The following PLEKHA5 variants were observed in gnomAD, a reference collection of about 807,000 sequenced individuals.
The protein encoded by PLEKHA5 is pleckstrin homology domain-containing family A member 5.
PLEKHA5 carries 55 observed loss-of-function variants against 181.9 expected under a neutral mutation model. The observed-to-expected ratio is 0.30, with a 90% CI of 0.24 to 0.38. The LOEUF is 0.38. Among genes scored for constraint, PLEKHA5 ranks in the 10% least tolerant of loss-of-function variants. PLEKHA5 has a pLI of 1.00. For synonymous variants in PLEKHA5, 535 were observed against 529.4 expected, an observed-to-expected ratio of 1.01 and a Z score of -0.15; for missense variants, 1,432 against 1,549.5, an observed-to-expected ratio of 0.92 and a Z score of 1.27.
chr12:19,199,559 TG>T (rs1466941264), intron 3 of PLEKHA5, among the ~76,000 whole-genome samples: 5 of 152,154 alleles, frequency 3.3e-5, no homozygotes, highest in African/African-American at 1.2e-4. Context: ...CATGAATACA[TG>T]GCAGTGTGAT....
intron 26 of PLEKHA5, among the ~76,000 whole-genome samples, chr12:19,354,376 A>T (rs1170807655): frequency 2.1e-5 from 3 of 145,160 alleles, no homozygotes; most frequent in Non-Finnish European, 4.5e-5. Context: ...GATGGTCTCG[A>T]TCTCCTGACC....
At chr12:19,310,609 CAAA>C (rs5796796) in intron 15 of PLEKHA5, among the ~76,000 whole-genome samples, 1 of 111,940 alleles carries the variant, frequency 8.9e-6, no homozygotes. Flanking sequence ...GACTCCCTCT[CAAA>C]AAAAAAAAAA....
intron 26 of PLEKHA5, among the ~76,000 whole-genome samples, chr12:19,355,991 G>T (rs979609196): frequency 6.6e-6 from 1 of 151,616 alleles, no homozygotes; most frequent in Non-Finnish European, 1.5e-5. Context: ...ATGGTGAAAC[G>T]CTGTCTCAAC....
intron 15 of PLEKHA5, among the ~76,000 whole-genome samples, chr12:19,301,511 G>T (rs555500712): frequency 5.3e-5 from 8 of 152,040 alleles, no homozygotes; most frequent in Non-Finnish European, 1.0e-4. Flanking sequence ...AAAAAAATCA[G>T]ATCTGTAAAA....
At chr12:19,197,890 C>T (rs574337591) in intron 3 of PLEKHA5, among the ~76,000 whole-genome samples, 2 of 151,574 alleles carry the variant, frequency 1.3e-5, no homozygotes, top group African/African-American at 4.8e-5. Flanking sequence ...GCCTTGCAGC[C>T]ATTCTCAATT....
At chr12:19,291,776 G>C in intron 15 of PLEKHA5, 79 bp downstream of exon 15, 1 of 716,502 alleles carries the variant, frequency 1.4e-6, no homozygotes, top group Non-Finnish European at 2.3e-6. Flanking sequence ...AGGCTTCTCA[G>C]CTATTTCAGT....
At chr12:19,198,116 A>G (rs983907742) in intron 3 of PLEKHA5, among the ~76,000 whole-genome samples, 2 of 152,048 alleles carry the variant, frequency 1.3e-5, no homozygotes, top group Admixed American at 6.6e-5. Flanking sequence ...ACCCTTTACA[A>G]TCCATTCTCC....
intron 20 of PLEKHA5, among the ~76,000 whole-genome samples, chr12:19,327,629 ACTTTTTT>A (rs138640500): frequency 0.62 from 83,244 of 135,118 alleles, 27,874 homozygotes; most frequent in Non-Finnish European, 0.79. Flanking sequence ...TGTTGCTATT[ACTTTTTT>A]CTTTTTTCTT....
rs537035066 is a variant in PLEKHA5, at chr12:19,323,674, G to A, written c.2448+1007G>A. On this transcript the variant is annotated intron_variant, in intron 20 of 31. Transcript: ENST00000429027. The stretch of plus-strand genomic sequence containing the variant: ...TCTACCAAAATACAAAAATTAGCTG[G>A]GTGTGGTGGCAGGTGCCTGTAATCC... Among the ~76,000 whole-genome samples, 5 of 151,806 alleles carry A rather than the reference G, an allele frequency of 3.3e-5. No homozygotes were observed. In the South Asian group the frequency reaches 1.0e-3, roughly 32 times the overall value.
chr12:19,152,830 C>T (rs1008200909), intron 3 of PLEKHA5: 3 of 151,970 alleles, frequency 2.0e-5, no homozygotes, highest in Admixed American at 2.0e-4. Context: ...AAAGTACATG[C>T]ATTTGATTTT....
At chr12:19,278,119 G>A (rs1420014693) in intron 11 of PLEKHA5, among the ~76,000 whole-genome samples, 18 of 152,122 alleles carry the variant, frequency 1.2e-4, no homozygotes. Context: ...AAATATATGG[G>A]ATAAAAATAA....
intron 11 of PLEKHA5, 119 bp from the exon 12 acceptor site, chr12:19,283,161 A>AAG (rs1245014644): frequency 3.3e-5 from 18 of 551,894 alleles, no homozygotes; most frequent in Non-Finnish European, 5.1e-5. Flanking sequence ...AAAAAAAAAA[A>AAG]AAAAAAAAAA....
chr12:19,222,361 T>G (rs138143858), intron 3 of PLEKHA5, among the ~76,000 whole-genome samples: 50 of 152,278 alleles, frequency 3.3e-4, no homozygotes, highest in Admixed American at 1.2e-3. Flanking sequence ...TGTAAAAATC[T>G]TGGTACAGTT....
chr12:19,307,654 G>A (rs2084523003), intron 15 of PLEKHA5: 1 of 332,284 alleles, frequency 3.0e-6, no homozygotes, highest in Non-Finnish European at 6.0e-6. Flanking sequence ...TGTCAGTCTA[G>A]GAGTCGTTGA....
At chr12:19,185,547 A>G (rs971148617) in intron 3 of PLEKHA5, among the ~76,000 whole-genome samples, 7 of 152,188 alleles carry the variant, frequency 4.6e-5, no homozygotes, top group African/African-American at 1.2e-4. Flanking sequence ...GGAGACAGAT[A>G]GATACACACT....
intron 3 of PLEKHA5, among the ~76,000 whole-genome samples, chr12:19,187,742 G>A (rs2050182208): frequency 1.3e-5 from 2 of 152,196 alleles, no homozygotes; most frequent in African/African-American, 4.8e-5. Flanking sequence ...AGTAGGAAAA[G>A]AATGGTAATT....
At chr12:19,304,265 C>A (rs1355501037) in intron 15 of PLEKHA5, among the ~76,000 whole-genome samples, 1 of 152,072 alleles carries the variant, frequency 6.6e-6, no homozygotes, top group East Asian at 1.9e-4. Flanking sequence ...ATTAGCCGGG[C>A]GTAGTAGTGG....
intron 3 of PLEKHA5, among the ~76,000 whole-genome samples, chr12:19,240,714 C>T (rs2062400823): frequency 6.6e-6 from 1 of 151,770 alleles, no homozygotes; most frequent in Admixed American, 6.6e-5. Flanking sequence ...TAAAGCAGTC[C>T]TCTCACTTCA....
At chr12:19,196,380 T>C (rs1159816071) in intron 3 of PLEKHA5, among the ~76,000 whole-genome samples, 1 of 152,216 alleles carries the variant, frequency 6.6e-6, no homozygotes, top group East Asian at 1.9e-4. Flanking sequence ...CCACAAACTG[T>C]CAACAAGTAA....
Sources: gnomAD v4.1 joint callset for allele counts (sites outside exome capture counted in the v4.1 genomes callset) on GRCh38, gnomAD v4.1.1 for gene constraint, MANE v1.5 for transcripts, NCBI Gene and HGNC (gene_info 2026-07-23, HGNC 2026-07-21) for gene names.